Variants in VPS4A observed in about 807,000 individuals in gnomAD.
VPS4A encodes vacuolar protein sorting 4 homolog A.
In VPS4A, 20 loss-of-function variants were observed where a neutral mutation model predicts 52.3. The ratio of observed to expected loss-of-function variants is 0.38; its 90% CI spans 0.27 to 0.56. The LOEUF (loss-of-function observed/expected upper bound fraction) is 0.56. Among genes scored for constraint, VPS4A ranks in the 20% least tolerant of loss-of-function variants. The pLI, the probability that VPS4A is intolerant of heterozygous loss-of-function variation, is 0.72. For missense variants in VPS4A, 419 were observed against 575.9 expected, an observed-to-expected ratio of 0.73 and a Z score of 2.79; for synonymous variants, 293 against 227.7, an observed-to-expected ratio of 1.29 and a Z score of -2.58.
In VPS4A at chr16:69,320,490, T is replaced by C. The variant is rs1001073235; in HGVS notation, c.770-198T>C. The C allele has an allele frequency of 2.4e-6, 2 of 818,712 alleles. No homozygotes were observed. The highest frequency in any genetic ancestry group is 3.8e-6 in the Non-Finnish European group (2 of 528,260). The allele number at this position is 818,712 out of a possible 1,614,324, so 50.7% of individuals were successfully genotyped here. On this transcript the variant is annotated intron_variant, in intron 7 of 10. Transcript: ENST00000254950. This position sits in a 1 kb window ranked among gnomAD's most constrained non-coding sequence, Gnocchi z 4.2. ...CTCACGGGCCACTCCACCCCTCCCA[T>C]GGCAGGCAGTGCCATAGGTCTCACC...
rs907294703 is a variant in VPS4A at position 69,320,982 on chromosome 16, G to A, written c.852-69G>A. 1.2e-5 allele frequency: 17 copies of A among 1,467,980 alleles called. No individual in the cohort carries two copies. Among genetic ancestry groups the A allele is most frequent in the South Asian group, 4.9e-5 (4 of 81,552 alleles). The allele number at this position is 1,467,980 out of a possible 1,614,324, so 90.9% of individuals were successfully genotyped here. A position where few individuals can be genotyped will look rare whatever the true frequency, so the allele number is the denominator to read the frequency against. ...ATGCGTCCGTTTCACTCAAATCTTC[G>A]TGCCTCCCCTTCCGTGAATACCATT... On this transcript the variant is annotated intron_variant, in intron 8 of 10. Coordinates refer to ENST00000254950, the MANE Select transcript of VPS4A (RefSeq NM_013245.3). The surrounding 1 kb of genome is among the most constrained non-coding windows in gnomAD (Gnocchi z 4.2).
At chr16:69,313,504 C>T (rs1965401557) in intron 1 of VPS4A, among the ~76,000 whole-genome samples, 5 of 152,098 alleles carry the variant, frequency 3.3e-5, no homozygotes. Context: ...CAGAGTCATA[C>T]AATAGGTGGT....
chr16:69,320,740 A>T lies in VPS4A; in HGVS notation c.822A>T (p.Pro274=). ...TGGTTCTTGGAGCCACAAACATCCC[A>T]TGGGTGTTGGATTCGGCCATCAGGA... is the stretch of plus-strand genomic sequence containing the variant. ...GTLVLGATNI[P]WVLDSAIRRR... Residue 274 remains proline (P), a synonymous_variant, in exon 8 of 11, where the codon CCA becomes CCT. Coordinates refer to ENST00000254950, the MANE Select transcript of VPS4A (RefSeq NM_013245.3). This position sits in a 1 kb window ranked among gnomAD's most constrained non-coding sequence, Gnocchi z 4.2. 1 of 1,608,880 alleles carries T rather than the reference A, an allele frequency of 6.2e-7. No homozygotes were observed. Among genetic ancestry groups the T allele is most frequent in the African/African-American group, 1.3e-5 (1 of 74,982 alleles).
At position 69,320,623 on chromosome 16, in the gene VPS4A, C is replaced by T; in HGVS notation, c.770-65C>T. 2 of 1,415,178 alleles carry T rather than the reference C, an allele frequency of 1.4e-6. No individual in the cohort carries two copies. The highest frequency in any genetic ancestry group is 1.9e-6 in the Non-Finnish European group (2 of 1,028,416). 87.7% of individuals were successfully genotyped at this position (1,415,178 alleles called of 1,614,324 possible). ...GACACACAAAGCCCCCGGGGTCTGT[C>T]CCCAGGTTTCAACTGACCCGTGCAG... On this transcript the variant is annotated intron_variant, in intron 7 of 10. Coordinates refer to ENST00000254950, the MANE Select transcript of VPS4A (RefSeq NM_013245.3). This position sits in a 1 kb window ranked among gnomAD's most constrained non-coding sequence, Gnocchi z 4.2.
Position 69,324,466 on chromosome 16 carries a change from G to A in VPS4A, c.*157G>A. On this transcript the variant is annotated 3_prime_UTR_variant, in exon 11 of 11. Coordinates refer to ENST00000254950, the MANE Select transcript of VPS4A (RefSeq NM_013245.3). ...CGTCTGCCAGGGAGCCAGAAGGAAG[G>A]GCCTTGCAGCCACAGAGACACTCCA... 1.3e-6 allele frequency: 1 copy of A among 759,230 alleles called. No homozygotes were observed. Among genetic ancestry groups the A allele is most frequent in the Non-Finnish European group, 2.2e-6 (1 of 461,238 alleles). The allele number at this position is 759,230 out of a possible 1,614,324, so 47.0% of individuals were successfully genotyped here. A position where few individuals can be genotyped will look rare whatever the true frequency, so the allele number is the denominator to read the frequency against.
At chr16:69,323,653 G>A (rs1200375929) in intron 10 of VPS4A, 1 of 455,892 alleles carries the variant, frequency 2.2e-6, no homozygotes, top group Non-Finnish European at 4.4e-6. Flanking sequence ...GGGGTGTGCA[G>A]CTAAGAAGGC....
At chr16:69,314,125 C>G (rs1310486274) in intron 1 of VPS4A, among the ~76,000 whole-genome samples, 2 of 151,804 alleles carry the variant, frequency 1.3e-5, no homozygotes, top group Admixed American at 1.3e-4. Flanking sequence ...GTCACCACAC[C>G]CGGCTAACTT....
At chr16:69,322,264 G>A in intron 9 of VPS4A, 2 of 244,750 alleles carry the variant, frequency 8.2e-6, no homozygotes, top group South Asian at 2.2e-4. Context: ...AGTTCAAGTT[G>A]AAATGTGGGT....
rs1965561655 is a variant in VPS4A at position 69,324,664 on chromosome 16, T to TG, written c.*359dup. 4.5e-6 allele frequency: 1 copy of TG among 223,888 alleles called. No individual in the cohort carries two copies. The highest frequency in any genetic ancestry group is 6.8e-5 in the South Asian group (1 of 14,674). 13.9% of individuals were successfully genotyped at this position (223,888 alleles called of 1,614,324 possible). A position where few individuals can be genotyped will look rare whatever the true frequency, so the allele number is the denominator to read the frequency against. ...AAAATCACCTGGAAGTGTCAAGGAG[T>TG]GGGGCGGGGTGGCGGGGGAGAAGCA... On this transcript the variant is annotated 3_prime_UTR_variant, in exon 11 of 11. Transcript: ENST00000254950.
intron 1 of VPS4A, among the ~76,000 whole-genome samples, chr16:69,312,455 T>C (rs184430753): frequency 6.6e-6 from 1 of 152,114 alleles, no homozygotes; most frequent in East Asian, 1.9e-4. Context: ...ATGGAATGAG[T>C]TGGGGTACCA....
intron 1 of VPS4A, among the ~76,000 whole-genome samples, chr16:69,314,281 G>T (rs1462103889): frequency 6.6e-6 from 1 of 151,932 alleles, no homozygotes; most frequent in Admixed American, 6.6e-5. Context: ...CACACTCTTA[G>T]GTGTATTACT....
rs758833717 is a variant in VPS4A, at chr16:69,324,290, A to G, written c.1295A>G (p.Asp432Gly). Residue 432 changes from aspartate (D) to glycine (G), a missense_variant, in exon 11 of 11, where the codon GAC becomes GGC. Physicochemically the swap from Asp to Gly is moderately conservative, Grantham distance 94 (BLOSUM62 -1). Coordinates refer to ENST00000254950, the MANE Select transcript of VPS4A (RefSeq NM_013245.3). The part of the protein sequence containing the change: ...DLLKVKKFSE[D>G]FGQES ...CTGAAAGTGAAGAAATTCTCAGAGG[A>G]CTTTGGGCAAGAGAGTTAAAAGCTG... 2.5e-6 allele frequency: 4 copies of G among 1,613,870 alleles called. No homozygotes were observed. Among genetic ancestry groups the G allele is most frequent in the Non-Finnish European group, 3.4e-6 (4 of 1,179,842 alleles).
At chr16:69,316,458 C>A (rs931731252) in intron 3 of VPS4A, 86 bp downstream of exon 3, 11 of 1,548,872 alleles carry the variant, frequency 7.1e-6, no homozygotes, top group Non-Finnish European at 9.6e-6. Flanking sequence ...CTTGGACTTC[C>A]CTGTGGGAAT....
Position 69,324,618 on chromosome 16 carries a change from T to A in VPS4A, c.*309T>A. The A allele has an allele frequency of 3.2e-6, 1 of 311,134 alleles. No homozygotes were observed. The highest frequency in any genetic ancestry group is 6.3e-6 in the Non-Finnish European group (1 of 159,844). 19.3% of individuals were successfully genotyped at this position (311,134 alleles called of 1,614,324 possible). A position where few individuals can be genotyped will look rare whatever the true frequency, so the allele number is the denominator to read the frequency against. ...TCCCCTAAATTAATGCTGCTTGGATTTTCATCTTATTTATAAAGATAAAAT... is the reference window on the plus strand; with the variant it reads ...TCCCCTAAATTAATGCTGCTTGGATATTCATCTTATTTATAAAGATAAAAT... On this transcript the variant is annotated 3_prime_UTR_variant, in exon 11 of 11. Coordinates refer to ENST00000254950, the MANE Select transcript of VPS4A (RefSeq NM_013245.3).
In VPS4A at chr16:69,326,600, CAGTTGTCT is replaced by C. The variant is rs1965600478; in HGVS notation, c.*2292_*2299del. On this transcript the variant is annotated 3_prime_UTR_variant, in exon 11 of 11. Coordinates refer to ENST00000254950, the MANE Select transcript of VPS4A (RefSeq NM_013245.3). ...TAGAGCGTGAAGACACCTGACTTTC[CAGTTGTCT>C]CTCTCCATGACCAGCAACAGGAACC... 6.6e-6 allele frequency: 1 copy of C among 152,224 alleles called. No individual in the cohort carries two copies. The highest frequency in any genetic ancestry group is 2.1e-4 in the South Asian group (1 of 4,834). 9.4% of individuals were successfully genotyped at this position (152,224 alleles called of 1,614,324 possible). A position where few individuals can be genotyped will look rare whatever the true frequency, so the allele number is the denominator to read the frequency against.
intron 1 of VPS4A, 101 bp downstream of exon 1, chr16:69,311,633 G>A (rs1965379091): frequency 4.3e-6 from 5 of 1,165,870 alleles, no homozygotes; most frequent in Non-Finnish European, 5.4e-6. Flanking sequence ...GCGCCTCCCA[G>A]CCCCGGCCTC....
intron 1 of VPS4A, 138 bp from the exon 2 acceptor site, chr16:69,315,870 A>T: frequency 1.5e-6 from 1 of 674,674 alleles, no homozygotes; most frequent in Non-Finnish European, 2.5e-6. Flanking sequence ...TTGAAAAAGT[A>T]GGCCAATGAA....
rs746686885 is a variant in VPS4A at position 69,321,470 on chromosome 16, CAG to C, written c.1071+201_1071+202del. On this transcript the variant is annotated intron_variant, in intron 9 of 10. Transcript: ENST00000254950. The surrounding 1 kb of genome is among the most constrained non-coding windows in gnomAD (Gnocchi z 4.5). ...CAGCTCTTCTGGAGTGTGGCCATCT[CAG>C]GGTGTGTGAAAGCAGAGGACAGGGC... is the stretch of plus-strand genomic sequence containing the variant. 7.0e-5 allele frequency: 44 copies of C among 626,820 alleles called. No individual in the cohort carries two copies. Among genetic ancestry groups the C allele is most frequent in the African/African-American group, 4.0e-4 (22 of 54,468 alleles). 38.8% of individuals were successfully genotyped at this position (626,820 alleles called of 1,614,324 possible).
Position 69,311,545 on chromosome 16 carries a change from G to A in VPS4A, c.21+13G>A. The stretch of plus-strand genomic sequence containing the variant: ...GTCAACCCTCCAGGTACTTCGTGCG[G>A]CCCGGCCCGACTTCGGAGGCCGAAG... On this transcript the variant is annotated intron_variant, in intron 1 of 10. Coordinates refer to ENST00000254950, the MANE Select transcript of VPS4A (RefSeq NM_013245.3). 1.5e-6 allele frequency: 2 copies of A among 1,316,682 alleles called. No individual in the cohort carries two copies. Among genetic ancestry groups the A allele is most frequent in the South Asian group, 2.3e-5 (1 of 43,518 alleles). The allele number at this position is 1,316,682 out of a possible 1,614,324, so 81.6% of individuals were successfully genotyped here. A position where few individuals can be genotyped will look rare whatever the true frequency, so the allele number is the denominator to read the frequency against.
Sources: gnomAD v4.1 joint callset for allele counts (sites outside exome capture counted in the v4.1 genomes callset) on GRCh38, gnomAD v4.1.1 for gene constraint, Gnocchi (gnomAD v3.1) non-coding constraint, MANE v1.5 for transcripts, NCBI Gene and HGNC (gene_info 2026-07-23, HGNC 2026-07-21) for gene names.